GRM7: variants seen among roughly 807,000 people sequenced by gnomAD.
GRM7 encodes metabotropic glutamate receptor 7.
GRM7 carries 35 observed loss-of-function variants against 84.5 expected under a neutral mutation model. The ratio of observed to expected loss-of-function variants is 0.41; its 90% CI spans 0.32 to 0.55. GRM7 has a LOEUF of 0.55. Ranked by LOEUF, GRM7 falls within the 20% of genes least tolerant of loss-of-function variation. GRM7 has a pLI of 0.19. For synonymous variants in GRM7, 487 were observed against 455.1 expected, an observed-to-expected ratio of 1.07 and a Z score of -0.89; for missense variants, 1,003 against 1,194.6, an observed-to-expected ratio of 0.84 and a Z score of 2.36.
At chr3:7,023,131 A>C (rs538922418) in intron 1 of GRM7, among the ~76,000 whole-genome samples, 1 of 152,220 alleles carries the variant, frequency 6.6e-6, no homozygotes, top group African/African-American at 2.4e-5. Flanking sequence ...AGAGTCCTCC[A>C]TGTCATCTCT....
intron 1 of GRM7, among the ~76,000 whole-genome samples, chr3:7,092,008 T>C (rs776685351): frequency 6.6e-6 from 1 of 151,844 alleles, no homozygotes; most frequent in Non-Finnish European, 1.5e-5. Flanking sequence ...TATTTATTAT[T>C]TATTTATTTT....
At chr3:7,200,294 A>G (rs1387810111) in intron 2 of GRM7, among the ~76,000 whole-genome samples, 1 of 152,180 alleles carries the variant, frequency 6.6e-6, no homozygotes, top group Admixed American at 6.5e-5. Context: ...TTTTGATGGG[A>G]ACAAACCACA....
intron 2 of GRM7, among the ~76,000 whole-genome samples, chr3:7,272,783 T>C (rs1488344577): frequency 6.6e-6 from 1 of 152,092 alleles, no homozygotes; most frequent in Non-Finnish European, 1.5e-5. Context: ...TTGTTTATCT[T>C]TTCAAAGAAC....
intron 4 of GRM7, among the ~76,000 whole-genome samples, chr3:7,361,497 C>G (rs1274077809): frequency 6.6e-6 from 1 of 152,040 alleles, no homozygotes; most frequent in Non-Finnish European, 1.5e-5. Flanking sequence ...GTTTGCTTTT[C>G]CAGTTTCCTA....
At chr3:7,023,920 G>A (rs1004589158) in intron 1 of GRM7, among the ~76,000 whole-genome samples, 2 of 152,166 alleles carry the variant, frequency 1.3e-5, no homozygotes, top group Admixed American at 1.3e-4. Flanking sequence ...TCGCTCTTCA[G>A]GGCAGAGAAT....
chr3:7,319,611 G>A (rs961022100), intron 4 of GRM7, among the ~76,000 whole-genome samples: 2 of 151,976 alleles, frequency 1.3e-5, no homozygotes, highest in African/African-American at 4.8e-5. Context: ...CTACAGTATG[G>A]CAAAAGAGTC....
At chr3:6,961,720 A>G (rs570755871) in intron 1 of GRM7, among the ~76,000 whole-genome samples, 3 of 152,266 alleles carry the variant, frequency 2.0e-5, no homozygotes, top group African/African-American at 7.2e-5. Flanking sequence ...GCATTTTCCC[A>G]TGGATAATAC....
At chr3:6,907,456 G>A (rs535398300) in intron 1 of GRM7, among the ~76,000 whole-genome samples, 1 of 152,124 alleles carries the variant, frequency 6.6e-6, no homozygotes, top group African/African-American at 2.4e-5. Flanking sequence ...AAGAAGCGGT[G>A]CTTTAACAGC....
At chr3:7,526,239 T>C (rs1310203529) in intron 7 of GRM7, among the ~76,000 whole-genome samples, 1 of 152,162 alleles carries the variant, frequency 6.6e-6, no homozygotes, top group East Asian at 1.9e-4. Context: ...CCATTCTGAC[T>C]GGCATGAGAA....
intron 4 of GRM7, among the ~76,000 whole-genome samples, chr3:7,327,774 C>T (rs1166544160): frequency 6.6e-6 from 1 of 152,186 alleles, no homozygotes; most frequent in Non-Finnish European, 1.5e-5. Flanking sequence ...ATAATATTTG[C>T]ATGTTTAACA....
chr3:7,477,091 A>G (rs185646750), intron 7 of GRM7, among the ~76,000 whole-genome samples: 480 of 152,292 alleles, frequency 3.2e-3, no homozygotes, highest in Admixed American at 5.2e-3. Flanking sequence ...GAAAATGAAA[A>G]TGTAAAGTGG....
chr3:7,108,664 C>T (rs1383893849), intron 1 of GRM7, among the ~76,000 whole-genome samples: 1 of 152,026 alleles, frequency 6.6e-6, no homozygotes, highest in Non-Finnish European at 1.5e-5. Context: ...CATCTTACAC[C>T]ACACCAGATT....
rs958322006 is a variant in GRM7, at chr3:7,068,051, G to A, written c.520-78401G>A. Among the ~76,000 whole-genome samples, 11 of 152,006 alleles carry A rather than the reference G, an allele frequency of 7.2e-5. 1 individual carries two copies. The South Asian group carries it at 1.2e-3, about 17-fold the overall frequency. On this transcript the variant is annotated intron_variant, in intron 1 of 9. Coordinates refer to ENST00000357716, the MANE Select transcript of GRM7 (RefSeq NM_000844.4). ...ATGAGAACATTTTAGATAATTCTTC[G>A]TGTATAAAGATATTCCATCCATGAT... is the stretch of plus-strand genomic sequence containing the variant.
intron 6 of GRM7, among the ~76,000 whole-genome samples, chr3:7,455,480 A>G (rs1697969645): frequency 6.6e-6 from 1 of 152,110 alleles, no homozygotes. Flanking sequence ...CACTTATGAG[A>G]CTCATGAACA....
chr3:7,476,190 T>C (rs1698914306), intron 7 of GRM7, among the ~76,000 whole-genome samples: 1 of 152,166 alleles, frequency 6.6e-6, no homozygotes, highest in African/African-American at 2.4e-5. Context: ...CATCCCCCCA[T>C]CTGCAAAATG....
chr3:7,473,489 G>GGGGAGAGA (rs1553603707), intron 7 of GRM7, among the ~76,000 whole-genome samples: 19 of 126,502 alleles, frequency 1.5e-4, no homozygotes, highest in African/African-American at 3.3e-4. Context: ...AAAACGAGAG[G>GGGGAGAGA]GAGAGAGAGA....
intron 1 of GRM7, among the ~76,000 whole-genome samples, chr3:7,099,210 T>C (rs1021727309): frequency 1.3e-5 from 2 of 149,316 alleles, no homozygotes; most frequent in South Asian, 2.1e-4. Context: ...ATTATTATAT[T>C]GCATATAATA....
chr3:7,596,193 A>G (rs1035894307), intron 8 of GRM7, among the ~76,000 whole-genome samples: 1 of 152,190 alleles, frequency 6.6e-6, no homozygotes, highest in African/African-American at 2.4e-5. Context: ...ACAAATCCAA[A>G]TGACTCCACA....
intron 1 of GRM7, among the ~76,000 whole-genome samples, chr3:7,005,027 C>A (rs1385162053): frequency 1.3e-5 from 2 of 152,154 alleles, no homozygotes; most frequent in South Asian, 4.1e-4. Flanking sequence ...TACATCACAC[C>A]CTGTAAGAAG....
Sources: allele counts gnomAD v4.1 joint callset (sites outside exome capture counted in the v4.1 genomes callset), GRCh38; gene constraint gnomAD v4.1.1; transcripts MANE v1.5; gene names NCBI Gene and HGNC (gene_info 2026-07-23, HGNC 2026-07-21).